SEZ6L: variants seen among roughly 807,000 people sequenced by gnomAD.
SEZ6L encodes seizure 6-like protein.
A neutral mutation model predicts 106.2 loss-of-function variants in SEZ6L; 37 were observed. That is an observed-to-expected ratio of 0.35 (90% CI 0.27 to 0.46). SEZ6L has a LOEUF of 0.46. Ranked by LOEUF, SEZ6L falls within the 20% of genes least tolerant of loss-of-function variation. The pLI, the probability that SEZ6L is intolerant of heterozygous loss-of-function variation, is 1.00. For missense variants in SEZ6L, 1,172 were observed against 1,332.8 expected (o/e 0.88, Z 1.88); for synonymous variants, 541 against 570.4 (o/e 0.95, Z 0.73).
rs140372463 is a variant in SEZ6L at position 26,296,947 on chromosome 22, T to C, written c.1029T>C (p.Pro343=). 2,278 of 1,614,024 alleles carry C rather than the reference T, an allele frequency of 1.4e-3. 5 individuals carry two copies. The highest frequency in any genetic ancestry group is 1.8e-3 in the Non-Finnish European group (2,142 of 1,179,952). ...TCTCCATCCGCGGGGTGGACGGCCC[T>C]ACCCTGACCGTCCTGGCCAACCAGA... ...ELLSIRGVDG[P]TLTVLANQTL... is the part of the protein sequence containing the mutation. Residue 343 remains proline (P), a synonymous_variant, in exon 4 of 17, where the codon CCT becomes CCC. Transcript: ENST00000248933.
At position 26,324,064 on chromosome 22, in the gene SEZ6L, CCACACACA is replaced by C. The variant is rs71311560; in HGVS notation, c.2015+10193_2015+10200del. Among the ~76,000 whole-genome samples the C allele has an allele frequency of 2.9e-3, 402 of 140,270 alleles. 1 individual carries two copies. The highest frequency in any genetic ancestry group is 5.8e-3 in the African/African-American group (215 of 37,274). The allele number at this position is 140,270 out of a possible 152,430, so 92.0% of individuals were successfully genotyped here. A position where few individuals can be genotyped will look rare whatever the true frequency, so the allele number is the denominator to read the frequency against. ...CTCTAAGACCAAAGCCAGTTTTTAA[CCACACACA>C]CACACACACACACACACACACACAC... On this transcript the variant is annotated intron_variant, in intron 9 of 16. Transcript: ENST00000248933.
At chr22:26,376,340 G>A (rs770135363) in intron 15 of SEZ6L, among the ~76,000 whole-genome samples, 5 of 152,210 alleles carry the variant, frequency 3.3e-5, no homozygotes, top group Non-Finnish European at 5.9e-5. Flanking sequence ...AAGGCTGGGA[G>A]GGGGCAAGAA....
intron 1 of SEZ6L, among the ~76,000 whole-genome samples, chr22:26,279,391 T>C (rs1361615386): frequency 1.3e-5 from 2 of 152,166 alleles, no homozygotes; most frequent in Non-Finnish European, 1.5e-5. Flanking sequence ...TCTTGGGATT[T>C]TCCTGTGCCG....
rs185738793 is a variant in SEZ6L, at chr22:26,314,199, A to G, written c.2015+297A>G. On this transcript the variant is annotated intron_variant, in intron 9 of 16. Coordinates refer to ENST00000248933, the MANE Select transcript of SEZ6L (RefSeq NM_021115.5). Reference sequence around the variant, plus strand: ...ACATACACAAATAATTGCATACTCTAACTTCAATATGTGATGTAAGGAGAG... The same window carrying G: ...ACATACACAAATAATTGCATACTCTGACTTCAATATGTGATGTAAGGAGAG... Among the ~76,000 whole-genome samples the G allele has an allele frequency of 3.3e-5, 5 of 152,260 alleles. No individual in the cohort carries two copies. In the East Asian group the frequency reaches 9.6e-4, roughly 29 times the overall value.
chr22:26,320,259 G>C (rs2082117939), intron 9 of SEZ6L, among the ~76,000 whole-genome samples: 1 of 152,090 alleles, frequency 6.6e-6, no homozygotes, highest in Admixed American at 6.5e-5. Flanking sequence ...AAGTGCCGTG[G>C]GGCTTGGGGA....
intron 1 of SEZ6L, among the ~76,000 whole-genome samples, chr22:26,191,613 C>A (rs999573213): frequency 2.6e-5 from 4 of 151,870 alleles, no homozygotes; most frequent in African/African-American, 9.7e-5. Context: ...GGAGGGAGAG[C>A]ATCAGGAAGA....
intron 16 of SEZ6L, among the ~76,000 whole-genome samples, chr22:26,378,431 C>G (rs1381567259): frequency 6.6e-6 from 1 of 152,302 alleles, no homozygotes; most frequent in African/African-American, 2.4e-5. Context: ...AGCCAGGATG[C>G]AAATTCAACC....
intron 1 of SEZ6L, among the ~76,000 whole-genome samples, chr22:26,258,352 G>T (rs991508854): frequency 6.6e-6 from 1 of 152,236 alleles, no homozygotes; most frequent in Admixed American, 6.5e-5. Context: ...AGTGTAAGAA[G>T]TGGGCAGGGA....
chr22:26,176,524 C>G (rs1281087070), intron 1 of SEZ6L, among the ~76,000 whole-genome samples: 1 of 152,200 alleles, frequency 6.6e-6, no homozygotes, highest in Non-Finnish European at 1.5e-5. Context: ...CATGCTATTC[C>G]TGCAGCCTGG....
intron 1 of SEZ6L, among the ~76,000 whole-genome samples, chr22:26,223,299 T>A (rs1308500050): frequency 6.6e-6 from 1 of 152,174 alleles, no homozygotes; most frequent in Non-Finnish European, 1.5e-5. Flanking sequence ...AGACTCCAAG[T>A]CCAGGTAGGT....
chr22:26,236,357 T>C (rs1372146513), intron 1 of SEZ6L, among the ~76,000 whole-genome samples: 1 of 152,204 alleles, frequency 6.6e-6, no homozygotes, highest in Non-Finnish European at 1.5e-5. Context: ...CCCTCATGCC[T>C]GAATGATGTA....
chr22:26,295,928 T>A (rs2081288285), intron 3 of SEZ6L, among the ~76,000 whole-genome samples: 1 of 152,122 alleles, frequency 6.6e-6, no homozygotes, highest in South Asian at 2.1e-4. Flanking sequence ...AGGGCAATTT[T>A]AATGGGGCTT....
chr22:26,351,485 A>G (rs1029589778), intron 12 of SEZ6L: 2 of 477,980 alleles, frequency 4.2e-6, no homozygotes, highest in Non-Finnish European at 3.7e-6. Context: ...TTCCTCAAGT[A>G]GCCCTGGGAG....
intron 14 of SEZ6L, among the ~76,000 whole-genome samples, chr22:26,373,712 T>G (rs1214611787): frequency 6.6e-6 from 1 of 152,110 alleles, no homozygotes; most frequent in Non-Finnish European, 1.5e-5. Context: ...GTTCTGTACA[T>G]GGTAACAGCA....
intron 1 of SEZ6L, among the ~76,000 whole-genome samples, chr22:26,233,106 C>T (rs2078851307): frequency 6.6e-6 from 1 of 152,246 alleles, no homozygotes; most frequent in East Asian, 1.9e-4. Context: ...TAGATTTAAA[C>T]AAAGTTTTCT....
At chr22:26,319,275 T>A (rs1056916149) in intron 9 of SEZ6L, among the ~76,000 whole-genome samples, 11 of 152,230 alleles carry the variant, frequency 7.2e-5, no homozygotes, top group African/African-American at 2.7e-4. Context: ...TTCCCAGGGT[T>A]ATTGCAACGG....
At chr22:26,318,290 T>C (rs549383005) in intron 9 of SEZ6L, among the ~76,000 whole-genome samples, 31 of 151,998 alleles carry the variant, frequency 2.0e-4, no homozygotes, top group Non-Finnish European at 3.8e-4. Flanking sequence ...GCCAGGCTAG[T>C]CTCAAACTCT....
At chr22:26,209,691 G>A (rs1447236431) in intron 1 of SEZ6L, among the ~76,000 whole-genome samples, 1 of 150,180 alleles carries the variant, frequency 6.7e-6, no homozygotes, top group Non-Finnish European at 1.5e-5. Context: ...GACAGGAAGG[G>A]AAGGAAAAAA....
chr22:26,320,045 G>A (rs2082112292), intron 9 of SEZ6L, among the ~76,000 whole-genome samples: 1 of 152,142 alleles, frequency 6.6e-6, no homozygotes, highest in Non-Finnish European at 1.5e-5. Context: ...GAACCTGGTT[G>A]ATAAGAAATA....
Sources: allele counts gnomAD v4.1 joint callset (sites outside exome capture counted in the v4.1 genomes callset), GRCh38; gene constraint gnomAD v4.1.1; transcripts MANE v1.5; gene names NCBI Gene and HGNC (gene_info 2026-07-23, HGNC 2026-07-21).